CSMD1: variants seen among roughly 807,000 people sequenced by gnomAD.
CSMD1 encodes the protein CUB and sushi domain-containing protein 1.
In CSMD1, 213 loss-of-function variants were observed where a neutral mutation model predicts 417.5. The ratio of observed to expected loss-of-function variants is 0.51; its 90% CI spans 0.46 to 0.57. The LOEUF (loss-of-function observed/expected upper bound fraction) is 0.57. CSMD1 is among the 20% of genes least tolerant of loss of function. The pLI is 0.00. For missense variants in CSMD1, 6,923 were observed against 4,529.7 expected, an observed-to-expected ratio of 1.53 and a Z score of -15.17; for synonymous variants, 2,862 against 1,736.8, an observed-to-expected ratio of 1.65 and a Z score of -16.11.
chr8:4,286,439 T>C (rs529829376), intron 3 of CSMD1, among the ~76,000 whole-genome samples: 2 of 152,146 alleles, frequency 1.3e-5, no homozygotes, highest in Non-Finnish European at 2.9e-5. Context: ...AGAGTATGTT[T>C]AGTCGGTTGC....
intron 5 of CSMD1, among the ~76,000 whole-genome samples, chr8:3,845,173 G>GA (rs1276095810): frequency 6.6e-6 from 1 of 152,198 alleles, no homozygotes; most frequent in African/African-American, 2.4e-5. Flanking sequence ...ATGGGAATTA[G>GA]AAAACACATA....
At position 4,879,294 on chromosome 8, in the gene CSMD1, A is replaced by G. The variant is rs559279665; in HGVS notation, c.85+115038T>C. Among the ~76,000 whole-genome samples the G allele has an allele frequency of 7.2e-4, 110 of 152,062 alleles. 1 individual carries two copies. The highest frequency in any genetic ancestry group is 3.4e-3 in the Middle Eastern group (1 of 294). On this transcript the variant is annotated intron_variant, in intron 1 of 69. Coordinates refer to ENST00000635120, the MANE Select transcript of CSMD1 (RefSeq NM_033225.6). ...GGGGAGATAGTTTCAATTTGTGTTT[A>G]TTGGCTATATTTAGCAGGACTTGGA... is the stretch of plus-strand genomic sequence containing the variant.
At chr8:4,592,200 C>A (rs1025926989) in intron 2 of CSMD1, among the ~76,000 whole-genome samples, 17 of 151,364 alleles carry the variant, frequency 1.1e-4, no homozygotes, top group African/African-American at 3.6e-4. Context: ...ATGCTCCCAA[C>A]AAGAATCTTC....
intron 1 of CSMD1, among the ~76,000 whole-genome samples, chr8:4,841,369 G>A (rs751952163): frequency 2.0e-5 from 3 of 152,136 alleles, no homozygotes; most frequent in African/African-American, 7.2e-5. Context: ...GAACCACTGA[G>A]CTTCTTGAAG....
intron 39 of CSMD1, among the ~76,000 whole-genome samples, chr8:3,154,272 C>T (rs1819380347): frequency 6.6e-6 from 1 of 152,224 alleles, no homozygotes; most frequent in Non-Finnish European, 1.5e-5. Flanking sequence ...TGTGCCCAGC[C>T]CTTTGTGACA....
chr8:4,490,825 G>A (rs1336084776), intron 2 of CSMD1, among the ~76,000 whole-genome samples: 2 of 152,182 alleles, frequency 1.3e-5, no homozygotes, highest in African/African-American at 4.8e-5. Flanking sequence ...CACAAATAAA[G>A]TCGGAAACAC....
intron 1 of CSMD1, among the ~76,000 whole-genome samples, chr8:4,836,905 T>G (rs1025516289): frequency 1.3e-5 from 2 of 152,118 alleles, no homozygotes; most frequent in Admixed American, 1.3e-4. Flanking sequence ...GAGGCTATGG[T>G]TGCTGCTGTG....
intron 1 of CSMD1, among the ~76,000 whole-genome samples, chr8:4,719,748 T>C (rs1479501570): frequency 1.3e-5 from 2 of 152,222 alleles, no homozygotes; most frequent in East Asian, 1.9e-4. Context: ...ATTCCTAATA[T>C]GCACTTACGA....
chr8:4,750,619 G>C (rs979781992), intron 1 of CSMD1, among the ~76,000 whole-genome samples: 3 of 152,048 alleles, frequency 2.0e-5, no homozygotes, highest in East Asian at 1.9e-4. Context: ...GAGACTAAGA[G>C]AATACCAAGG....
chr8:4,151,234 G>A (rs963813511), intron 3 of CSMD1, among the ~76,000 whole-genome samples: 2 of 152,134 alleles, frequency 1.3e-5, no homozygotes, highest in African/African-American at 4.8e-5. Context: ...TAAATACGGT[G>A]AAGTTTACTT....
chr8:4,144,135 C>A (rs1803967060), intron 3 of CSMD1, among the ~76,000 whole-genome samples: 1 of 151,018 alleles, frequency 6.6e-6, no homozygotes, highest in Non-Finnish European at 1.5e-5. Context: ...GCCCCCAGAC[C>A]CAGATGTTTC....
intron 1 of CSMD1, among the ~76,000 whole-genome samples, chr8:4,970,396 A>C (rs1455106972): frequency 1.3e-5 from 2 of 152,132 alleles, no homozygotes; most frequent in African/African-American, 4.8e-5. Context: ...TGTTATCATT[A>C]TTTTTATCTT....
intron 2 of CSMD1, among the ~76,000 whole-genome samples, chr8:4,505,377 T>A: frequency 6.6e-6 from 1 of 152,160 alleles, no homozygotes; most frequent in East Asian, 1.9e-4. Context: ...ATTCTGTAAA[T>A]AAATTTCTAA....
At chr8:3,202,046 T>C (rs1797019444) in intron 31 of CSMD1, among the ~76,000 whole-genome samples, 1 of 152,182 alleles carries the variant, frequency 6.6e-6, no homozygotes, top group African/African-American at 2.4e-5. Context: ...CTCACGCCTG[T>C]AATCCCAGTA....
chr8:3,544,730 C>T (rs895310683), intron 10 of CSMD1, among the ~76,000 whole-genome samples: 2 of 151,994 alleles, frequency 1.3e-5, no homozygotes, highest in African/African-American at 4.8e-5. Flanking sequence ...TTCAGGGAGA[C>T]CAGGATGCTG....
intron 1 of CSMD1, among the ~76,000 whole-genome samples, chr8:4,959,091 T>C (rs906635238): frequency 1.3e-5 from 2 of 152,210 alleles, no homozygotes; most frequent in African/African-American, 2.4e-5. Flanking sequence ...GGAAATAGTT[T>C]AGTCTATGCT....
intron 26 of CSMD1, among the ~76,000 whole-genome samples, chr8:3,254,957 G>C (rs1367740375): frequency 1.3e-5 from 2 of 152,100 alleles, no homozygotes; most frequent in Non-Finnish European, 2.9e-5. Context: ...CTGATTTTTA[G>C]AGTTTACAGT....
At chr8:4,331,363 T>C (rs1374605868) in intron 3 of CSMD1, among the ~76,000 whole-genome samples, 1 of 152,150 alleles carries the variant, frequency 6.6e-6, no homozygotes, top group Non-Finnish European at 1.5e-5. Context: ...CAAAGCTTCC[T>C]GTCACGTGTG....
At position 3,182,749 on chromosome 8, in the gene CSMD1, CTGTGTG is replaced by C. The variant is rs138421791; in HGVS notation, c.5621-1541_5621-1536del. Among the ~76,000 whole-genome samples the C allele has an allele frequency of 3.0e-3, 315 of 105,790 alleles. 4 individuals are homozygous for C. The East Asian group carries it at 0.037, about 13-fold the overall frequency. 69.4% of individuals were successfully genotyped at this position (105,790 alleles called of 152,430 possible). ...TCTGGCTGTCTCTTTATAAGAAGCT[CTGTGTG>C]TGTGTGTGTGTGTATTGTTAGAGAA... On this transcript the variant is annotated intron_variant, in intron 36 of 69. Coordinates refer to ENST00000635120, the MANE Select transcript of CSMD1 (RefSeq NM_033225.6).
Sources: gnomAD v4.1 joint callset for allele counts (sites outside exome capture counted in the v4.1 genomes callset) on GRCh38, gnomAD v4.1.1 for gene constraint, MANE v1.5 for transcripts, NCBI Gene and HGNC (gene_info 2026-07-23, HGNC 2026-07-21) for gene names.